Variants in GNAO1 observed in about 807,000 individuals in gnomAD.
GNAO1 encodes the protein guanine nucleotide-binding protein G(o) subunit alpha.
For synonymous variants in GNAO1, 164 were observed against 180.7 expected, an observed-to-expected ratio of 0.91 and a Z score of 0.74; for missense variants, 166 against 478.7, an observed-to-expected ratio of 0.35 and a Z score of 6.10.
chr16:56,301,194 AAC>A (rs1373823601), intron 3 of GNAO1: 2 of 152,256 alleles, frequency 1.3e-5, no homozygotes, highest in African/African-American at 4.8e-5. Context: ...CAGTCAGGTA[AAC>A]AGAGTTTGGG....
intron 3 of GNAO1, chr16:56,301,737 G>A (rs2037345836): frequency 6.6e-6 from 1 of 152,134 alleles, no homozygotes; most frequent in Non-Finnish European, 1.5e-5. Context: ...CCGGCGGAGT[G>A]GCTCAGTCAG....
chr16:56,351,245 G>A lies in GNAO1; in HGVS notation c.724-139G>A. The A allele has an allele frequency of 3.2e-6, 2 of 620,528 alleles. No individual in the cohort carries two copies. The highest frequency in any genetic ancestry group is 1.9e-5 in the South Asian group (1 of 51,986). The allele number at this position is 620,528 out of a possible 1,614,324, so 38.4% of individuals were successfully genotyped here. On this transcript the variant is annotated intron_variant, in intron 6 of 8. Coordinates refer to ENST00000262493, the MANE Select transcript of GNAO1 (RefSeq NM_020988.3). This position sits in a 1 kb window ranked among gnomAD's most constrained non-coding sequence, Gnocchi z 6.1. ...GTGCTGTGAGGTGTAACTGACTCAG[G>A]TTCCATCTGGCAGCCTCTCGGAGGA...
chr16:56,228,904 C>T (rs1346654020), intron 2 of GNAO1, among the ~76,000 whole-genome samples: 2 of 152,160 alleles, frequency 1.3e-5, no homozygotes, highest in Non-Finnish European at 2.9e-5. Context: ...AAAGTTTATT[C>T]ATAGGTTTGT....
intron 2 of GNAO1, among the ~76,000 whole-genome samples, chr16:56,272,265 C>T (rs1180691587): frequency 2.0e-5 from 3 of 151,932 alleles, no homozygotes; most frequent in Non-Finnish European, 2.9e-5. Flanking sequence ...GCCGAGATTG[C>T]GCCGCTGCAC....
At chr16:56,196,100 A>C (rs1288177393) in intron 2 of GNAO1, among the ~76,000 whole-genome samples, 3 of 152,102 alleles carry the variant, frequency 2.0e-5, no homozygotes, top group Admixed American at 2.0e-4. Context: ...CTCAGTACTT[A>C]TATTAAAATT....
intron 2 of GNAO1, among the ~76,000 whole-genome samples, chr16:56,261,040 C>T (rs1457103159): frequency 6.6e-6 from 1 of 152,194 alleles, no homozygotes; most frequent in East Asian, 1.9e-4. Context: ...GGGGACCTGA[C>T]CCAATGCAGA....
intron 3 of GNAO1, 35 bp from the exon 4 acceptor site, chr16:56,328,596 A>C (rs775965596): frequency 6.2e-7 from 1 of 1,605,612 alleles, no homozygotes; most frequent in Admixed American, 1.7e-5. Flanking sequence ...GTCCCCACCA[A>C]AGCGTCAAAG....
intron 2 of GNAO1, among the ~76,000 whole-genome samples, chr16:56,218,643 G>T (rs1320836774): frequency 3.3e-5 from 5 of 152,124 alleles, no homozygotes; most frequent in Non-Finnish European, 1.5e-5. Flanking sequence ...CCCCCACCCA[G>T]CTTCTTCCCT....
chr16:56,270,960 G>A (rs1407114858), intron 2 of GNAO1: 3 of 152,214 alleles, frequency 2.0e-5, no homozygotes, highest in Admixed American at 6.5e-5. Context: ...TGTTGCTAAG[G>A]TATCTCGTGG....
At chr16:56,332,414 C>T (rs2037698419) in intron 4 of GNAO1, among the ~76,000 whole-genome samples, 1 of 152,224 alleles carries the variant, frequency 6.6e-6, no homozygotes, top group Non-Finnish European at 1.5e-5. Flanking sequence ...TATCCAGACG[C>T]CTTCCCCAAC....
intron 2 of GNAO1, among the ~76,000 whole-genome samples, chr16:56,198,838 G>T (rs1373522810): frequency 6.6e-6 from 1 of 152,186 alleles, no homozygotes; most frequent in Non-Finnish European, 1.5e-5. Context: ...GGGTGCTGTG[G>T]TTCATGTTCA....
chr16:56,344,451 G>C (rs1270899194), intron 6 of GNAO1: 1 of 999,438 alleles, frequency 1.0e-6, no homozygotes, highest in East Asian at 1.0e-4. Flanking sequence ...AGGCCAACTT[G>C]GTGTGGGTTG....
intron 3 of GNAO1, among the ~76,000 whole-genome samples, chr16:56,290,500 G>A (rs1304481337): frequency 6.6e-6 from 1 of 152,190 alleles, no homozygotes; most frequent in Non-Finnish European, 1.5e-5. Flanking sequence ...TAAAATCAGA[G>A]CAGGTAGTTA....
At chr16:56,198,813 T>C (rs1247428209) in intron 2 of GNAO1, among the ~76,000 whole-genome samples, 1 of 152,230 alleles carries the variant, frequency 6.6e-6, no homozygotes, top group African/African-American at 2.4e-5. Flanking sequence ...TTAGCCACCC[T>C]GAGAAGCAGA....
At chr16:56,349,660 GA>G (rs750126273) in intron 6 of GNAO1, among the ~76,000 whole-genome samples, 5 of 152,232 alleles carry the variant, frequency 3.3e-5, no homozygotes, top group Admixed American at 6.5e-5. Flanking sequence ...CTGTTTAGCA[GA>G]ATGAAAGGGC....
chr16:56,300,359 CTCAG>C (rs1318651430), intron 3 of GNAO1, among the ~76,000 whole-genome samples: 1 of 152,228 alleles, frequency 6.6e-6, no homozygotes, highest in East Asian at 1.9e-4. Flanking sequence ...AGTGGCTTCT[CTCAG>C]TCAAAGTGGT....
chr16:56,334,989 A>G, intron 5 of GNAO1, 132 bp downstream of exon 5: 1 of 844,768 alleles, frequency 1.2e-6, no homozygotes, highest in Non-Finnish European at 1.8e-6. Flanking sequence ...GCAGGCAGCT[A>G]GATACTAGAA....
chr16:56,309,353 T>G (rs1416285042), intron 3 of GNAO1, among the ~76,000 whole-genome samples: 1 of 151,980 alleles, frequency 6.6e-6, no homozygotes, highest in African/African-American at 2.4e-5. Flanking sequence ...TGGGGAGAGA[T>G]GATAGGAGGA....
chr16:56,334,892 G>A, intron 5 of GNAO1, 35 bp downstream of exon 5: 2 of 1,610,458 alleles, frequency 1.2e-6, no homozygotes, highest in Non-Finnish European at 1.7e-6. Context: ...CCCTGGCGAG[G>A]GCTAAGATGG....
Sources: allele counts gnomAD v4.1 joint callset (sites outside exome capture counted in the v4.1 genomes callset), GRCh38; gene constraint gnomAD v4.1.1; non-coding constraint Gnocchi (gnomAD v3.1); transcripts MANE v1.5; gene names NCBI Gene and HGNC (gene_info 2026-07-23, HGNC 2026-07-21).